The following CADPS2 variants were observed in gnomAD, a reference collection of about 807,000 sequenced individuals.
The protein encoded by CADPS2 is calcium dependent secretion activator 2, also known as calcium-dependent secretion activator 2.
CADPS2 carries 93 observed loss-of-function variants against 172.5 expected under a neutral mutation model. The ratio of observed to expected loss-of-function variants is 0.54; its 90% confidence interval spans 0.46 to 0.64. The LOEUF is 0.64. CADPS2 is among the 30% of genes least tolerant of loss of function. CADPS2 has a pLI of 0.00. For synonymous variants in CADPS2, 546 were observed against 555.2 expected (o/e 0.98, Z 0.23); for missense variants, 1,420 against 1,565.9 (o/e 0.91, Z 1.57).
At chr7:122,432,674 A>G (rs1248903015) in intron 17 of CADPS2, among the ~76,000 whole-genome samples, 1 of 151,244 alleles carries the variant, frequency 6.6e-6, no homozygotes, top group Non-Finnish European at 1.5e-5. Context: ...AAAAAAGAAA[A>G]GAAAACCTCT....
At chr7:122,619,380 C>T (rs2075320946) in intron 5 of CADPS2, among the ~76,000 whole-genome samples, 1 of 150,490 alleles carries the variant, frequency 6.6e-6, no homozygotes, top group South Asian at 2.1e-4. Flanking sequence ...AATCCTAGCA[C>T]TTTGGGTGGA....
At chr7:122,713,752 C>T (rs1217595131) in intron 2 of CADPS2, among the ~76,000 whole-genome samples, 1 of 151,832 alleles carries the variant, frequency 6.6e-6, no homozygotes, top group Non-Finnish European at 1.5e-5. Context: ...TTTGAATGCA[C>T]ATTAGGGATA....
chr7:122,334,201 TAC>T (rs549656556), intron 28 of CADPS2, among the ~76,000 whole-genome samples: 4 of 151,356 alleles, frequency 2.6e-5, no homozygotes, highest in East Asian at 1.9e-4. Flanking sequence ...TATATGAGAA[TAC>T]ACACACACAC....
At chr7:122,812,420 AAAGAG>A (rs1406086338) in intron 1 of CADPS2, among the ~76,000 whole-genome samples, 6 of 146,958 alleles carry the variant, frequency 4.1e-5, no homozygotes, top group African/African-American at 1.6e-4. Flanking sequence ...GAAAAAAAAA[AAAGAG>A]AGAGAGAGAG....
chr7:122,495,779 C>G, intron 9 of CADPS2, among the ~76,000 whole-genome samples: 1 of 152,098 alleles, frequency 6.6e-6, no homozygotes, highest in East Asian at 1.9e-4. Context: ...TATGAGCACT[C>G]CAGATATAAT....
chr7:122,659,598 T>C (rs892101218), intron 3 of CADPS2, among the ~76,000 whole-genome samples: 3 of 151,788 alleles, frequency 2.0e-5, no homozygotes, highest in Admixed American at 2.0e-4. Context: ...ATAACAGCAG[T>C]GAACTTTCCA....
chr7:122,645,668 T>TATATAC (rs1554688646), intron 3 of CADPS2, among the ~76,000 whole-genome samples: 1 of 86,738 alleles, frequency 1.2e-5, no homozygotes, highest in African/African-American at 4.2e-5. Context: ...GATATATATA[T>TATATAC]ATATATATAT....
intron 1 of CADPS2, among the ~76,000 whole-genome samples, chr7:122,830,516 A>C (rs985960131): frequency 3.3e-5 from 5 of 152,340 alleles, no homozygotes; most frequent in African/African-American, 1.2e-4. Flanking sequence ...ATCAAAATAA[A>C]CTAAAAGGAA....
intron 11 of CADPS2, among the ~76,000 whole-genome samples, chr7:122,486,739 C>T (rs910401005): frequency 3.9e-5 from 6 of 152,122 alleles, no homozygotes; most frequent in Admixed American, 2.6e-4. Context: ...GCATCACATG[C>T]TACCAGAAAA....
chr7:122,655,852 T>C (rs1359128106), intron 3 of CADPS2, among the ~76,000 whole-genome samples: 2 of 152,174 alleles, frequency 1.3e-5, no homozygotes, highest in Non-Finnish European at 2.9e-5. Flanking sequence ...TCCTCAAGCT[T>C]TTCTTTCAAA....
intron 8 of CADPS2, among the ~76,000 whole-genome samples, chr7:122,538,830 A>C (rs2062608911): frequency 6.6e-6 from 1 of 152,052 alleles, no homozygotes; most frequent in South Asian, 2.1e-4. Context: ...CTACTGGAAC[A>C]CTATTTATAA....
intron 25 of CADPS2, among the ~76,000 whole-genome samples, chr7:122,377,906 A>G (rs377551249): frequency 2.5e-4 from 38 of 152,240 alleles, no homozygotes; most frequent in South Asian, 4.1e-4. Context: ...ACTCTAAGAC[A>G]TGCCATGAGA....
At chr7:122,794,194 T>C (rs1418656320) in intron 1 of CADPS2, among the ~76,000 whole-genome samples, 2 of 152,048 alleles carry the variant, frequency 1.3e-5, no homozygotes, top group African/African-American at 4.8e-5. Flanking sequence ...CTAAAATATG[T>C]TTACCAAGTT....
chr7:122,494,341 T>C (rs988742977), intron 9 of CADPS2, among the ~76,000 whole-genome samples: 2 of 152,198 alleles, frequency 1.3e-5, no homozygotes, highest in Non-Finnish European at 2.9e-5. Context: ...AAGATGTATA[T>C]GCATTGTGTT....
intron 1 of CADPS2, among the ~76,000 whole-genome samples, chr7:122,742,985 T>C (rs1277604014): frequency 1.3e-5 from 2 of 152,192 alleles, no homozygotes; most frequent in Admixed American, 6.5e-5. Context: ...GGCAGTTGAT[T>C]TATTATTATT....
At chr7:122,335,651 GT>G (rs1167199236) in intron 28 of CADPS2, among the ~76,000 whole-genome samples, 1 of 152,154 alleles carries the variant, frequency 6.6e-6, no homozygotes, top group Non-Finnish European at 1.5e-5. Flanking sequence ...AAAGAATCTT[GT>G]TCAGCCACGT....
chr7:122,549,564 T>C (rs1450321724), intron 8 of CADPS2, among the ~76,000 whole-genome samples: 7 of 151,764 alleles, frequency 4.6e-5, no homozygotes, highest in Admixed American at 2.6e-4. Context: ...GAGGTTGCAG[T>C]GAGCGGAGAT....
intron 12 of CADPS2, chr7:122,480,157 C>G (rs2057119083): frequency 2.1e-6 from 1 of 469,370 alleles, no homozygotes; most frequent in South Asian, 1.6e-5. Context: ...AGCTCACTCT[C>G]TTCCCTTAGA....
chr7:122,401,057 T>G (rs1255650645), intron 20 of CADPS2, among the ~76,000 whole-genome samples: 1 of 152,178 alleles, frequency 6.6e-6, no homozygotes, highest in African/African-American at 2.4e-5. Flanking sequence ...CTATTATGGC[T>G]AATTTGACTC....
Sources: gnomAD v4.1 joint callset for allele counts (sites outside exome capture counted in the v4.1 genomes callset) on GRCh38, gnomAD v4.1.1 for gene constraint, MANE v1.5 for transcripts, NCBI Gene and HGNC (gene_info 2026-07-23, HGNC 2026-07-21) for gene names.